TTC3: variants seen among roughly 807,000 people sequenced by gnomAD.
The protein encoded by TTC3 is E3 ubiquitin-protein ligase TTC3.
TTC3 carries 180 observed loss-of-function variants against 249.6 expected under a neutral mutation model. The ratio of observed to expected loss-of-function variants is 0.72; its 90% confidence interval spans 0.64 to 0.82. The LOEUF (loss-of-function observed/expected upper bound fraction) is 0.82, where lower values mean the gene tolerates loss of function less well. TTC3 is among the 40% of genes least tolerant of loss of function. TTC3 has a pLI of 0.00. For synonymous variants in TTC3, 717 were observed against 805.0 expected, an observed-to-expected ratio of 0.89 and a Z score of 1.85; for missense variants, 2,061 against 2,398.4, an observed-to-expected ratio of 0.86 and a Z score of 2.94.
At chr21:37,081,094 C>G (rs1172315540) in intron 1 of TTC3, among the ~76,000 whole-genome samples, 2 of 142,104 alleles carry the variant, frequency 1.4e-5, no homozygotes, top group Non-Finnish European at 3.0e-5. Context: ...AGTGTGCTGC[C>G]AGTTTTATTT....
chr21:37,172,581 T>C lies in TTC3; in HGVS notation c.4468-14T>C. The C allele has an allele frequency of 6.2e-7, 1 of 1,604,942 alleles. No homozygotes were observed. The highest frequency in any genetic ancestry group is 8.5e-7 in the Non-Finnish European group (1 of 1,177,600). On this transcript the variant is annotated splice_polypyrimidine_tract_variant and intron_variant, in intron 34 of 45. Coordinates refer to ENST00000355666, the Ensembl canonical transcript of TTC3. The stretch of plus-strand genomic sequence containing the variant: ...AAATGATTTTTAATAGATTGTTTTG[T>C]AATTCACTTTTAGGGGGAAATTTCA...
exon 37 of TTC3, chr21:37,185,735 A>G: frequency 6.4e-7 from 1 of 1,554,598 alleles, no homozygotes; most frequent in Admixed American, 2.0e-5. Context: ...GGAAAGGAAA[A>G]GGAACATGAA....
rs1254480598 is a variant in TTC3, at chr21:37,134,582, A to G, written c.1444-798A>G. ...TGAGGAATACAACATACATATTTGC[A>G]TTTGCGGCCCCTTTGAATGGCGCAC... On this transcript the variant is annotated intron_variant, in intron 17 of 45. Transcript: ENST00000355666. 2.6e-5 allele frequency among the ~76,000 whole-genome samples: 4 copies of G among 152,108 alleles called. No individual in the cohort carries two copies. In the East Asian group the frequency reaches 7.7e-4, roughly 29 times the overall value.
At chr21:37,108,958 A>G (rs1218072946) in intron 11 of TTC3, among the ~76,000 whole-genome samples, 2 of 152,224 alleles carry the variant, frequency 1.3e-5, no homozygotes, top group Admixed American at 6.5e-5. Context: ...CAGCTGGAAT[A>G]TGCACATAAT....
At chr21:37,157,118 A>G (rs1601854300) in intron 28 of TTC3, 1 of 1,407,442 alleles carries the variant, frequency 7.1e-7, no homozygotes, top group Non-Finnish European at 9.6e-7. Flanking sequence ...ACTCAAATGT[A>G]GGTATGTTAT....
chr21:37,202,182 T>A (rs1197403828), exon 46 of TTC3: 2 of 152,272 alleles, frequency 1.3e-5, no homozygotes, highest in Non-Finnish European at 2.9e-5. Flanking sequence ...CATTTGATTT[T>A]TTATTATTTT....
Position 37,156,652 on chromosome 21 carries a change from C to T in TTC3, c.2741-3C>T. 3 of 1,593,994 alleles carry T rather than the reference C, an allele frequency of 1.9e-6. No individual in the cohort carries two copies. The highest frequency in any genetic ancestry group is 2.6e-6 in the Non-Finnish European group (3 of 1,171,290). On this transcript the variant is annotated splice_polypyrimidine_tract_variant and splice_region_variant and intron_variant, in intron 27 of 45. Transcript: ENST00000355666. ...TCTGATTTGGGTTTTGTTTTTATTA[C>T]AGGCTTAGATGCCACAGGAACTTTC...
At chr21:37,087,592 G>A (rs2147663592) in intron 2 of TTC3, among the ~76,000 whole-genome samples, 191 bp downstream of exon 2, 1 of 152,290 alleles carries the variant, frequency 6.6e-6, no homozygotes, top group South Asian at 2.1e-4. Context: ...GCCAGAGAAT[G>A]AGTGGTGGCA....
chr21:37,074,405 A>G (rs2070522578), intron 1 of TTC3, among the ~76,000 whole-genome samples: 3 of 152,230 alleles, frequency 2.0e-5, no homozygotes, highest in African/African-American at 7.2e-5. Flanking sequence ...TGCCTTTTCC[A>G]GTGGCGCCCT....
intron 1 of TTC3, among the ~76,000 whole-genome samples, chr21:37,073,948 CAG>C (rs1317733716): frequency 1.3e-5 from 2 of 152,240 alleles, no homozygotes; most frequent in African/African-American, 4.8e-5. Context: ...CCGAGTGACG[CAG>C]AGTGTCTGCG....
intron 34 of TTC3, among the ~76,000 whole-genome samples, chr21:37,168,495 A>G (rs1450356205): frequency 6.6e-6 from 1 of 152,176 alleles, no homozygotes; most frequent in Non-Finnish European, 1.5e-5. Context: ...TATTTTCAAT[A>G]CCAAAAAAGA....
chr21:37,165,052 G>A (rs991672194), intron 32 of TTC3, among the ~76,000 whole-genome samples: 1 of 152,144 alleles, frequency 6.6e-6, no homozygotes, highest in African/African-American at 2.4e-5. Flanking sequence ...GGAAACAACT[G>A]TAAAATTATA....
chr21:37,196,945 C>A (rs2084975657), intron 42 of TTC3, among the ~76,000 whole-genome samples: 1 of 152,166 alleles, frequency 6.6e-6, no homozygotes, highest in Non-Finnish European at 1.5e-5. Context: ...GTTTCTGCCT[C>A]CACCTCTGGT....
At chr21:37,199,182 G>A (rs539682853) in intron 44 of TTC3, among the ~76,000 whole-genome samples, 135 of 152,252 alleles carry the variant, frequency 8.9e-4, no homozygotes, top group African/African-American at 2.9e-3. Context: ...CTCAGCCTTG[G>A]GGTGATGCCT....
exon 33 of TTC3, chr21:37,166,286 G>C (rs1267641281): frequency 3.1e-6 from 5 of 1,614,156 alleles, no homozygotes; most frequent in Non-Finnish European, 4.2e-6. Context: ...CCTTTCTCCT[G>C]AATATCAGCT....
chr21:37,110,838 C>T (rs1468788355), intron 11 of TTC3, among the ~76,000 whole-genome samples: 5 of 152,110 alleles, frequency 3.3e-5, no homozygotes, highest in Non-Finnish European at 7.3e-5. Context: ...GGAAGCCCAT[C>T]AGACTAACTG....
At chr21:37,197,931 C>G in exon 44 of TTC3, 1 of 1,614,094 alleles carries the variant, frequency 6.2e-7, no homozygotes, top group South Asian at 1.1e-5. Context: ...TCTGCCACCC[C>G]CGTGACCAGG....
rs1172121259 is a variant in TTC3, at chr21:37,150,981, G to A, written c.2276+97G>A. On this transcript the variant is annotated intron_variant, in intron 25 of 45. Transcript: ENST00000355666. ...CTAAATTATGCCTTTTTAAAAATTGGCTGTGTATACATATATTCAAATAAG... is the reference window on the plus strand; with the variant it reads ...CTAAATTATGCCTTTTTAAAAATTGACTGTGTATACATATATTCAAATAAG... 5 of 854,150 alleles carry A rather than the reference G, an allele frequency of 5.9e-6. No individual in the cohort carries two copies. In the African/African-American group the frequency reaches 7.0e-5, roughly 12 times the overall value. The allele number at this position is 854,150 out of a possible 1,614,324, so 52.9% of individuals were successfully genotyped here. A position where few individuals can be genotyped will look rare whatever the true frequency, so the allele number is the denominator to read the frequency against.
chr21:37,096,895 C>T (rs1369816100), intron 10 of TTC3: 2 of 328,518 alleles, frequency 6.1e-6, no homozygotes, highest in Non-Finnish European at 1.1e-5. Context: ...GTTCTCACAG[C>T]ACCCGTAATA....
Sources: gnomAD v4.1 joint callset for allele counts (sites outside exome capture counted in the v4.1 genomes callset) on GRCh38, gnomAD v4.1.1 for gene constraint, MANE v1.5 for transcripts, NCBI Gene and HGNC (gene_info 2026-07-23, HGNC 2026-07-21) for gene names.